Variants in PCNX1 observed in about 807,000 individuals in gnomAD.
PCNX1 encodes the protein pecanex-like protein 1.
PCNX1 carries 78 observed loss-of-function variants against 242.2 expected under a neutral mutation model. That is an observed-to-expected ratio of 0.32 (90% confidence interval 0.27 to 0.39). The LOEUF (loss-of-function observed/expected upper bound fraction) is 0.39. PCNX1 is among the 10% of genes least tolerant of loss of function. The pLI is 1.00. For synonymous variants in PCNX1, 1,024 were observed against 1,032.9 expected (o/e 0.99, Z 0.17); for missense variants, 2,581 against 2,856.5 (o/e 0.90, Z 2.20).
chr14:71,051,850 G>C, intron 23 of PCNX1, 33 bp from the exon 24 acceptor site: 1 of 1,604,504 alleles, frequency 6.2e-7, no homozygotes. Flanking sequence ...GTGCTCAGAT[G>C]AATGTCAGTG....
Position 71,110,048 on chromosome 14 carries a change from C to T in PCNX1, c.*113C>T, listed in dbSNP as rs748379582. ...GTATCACTTTGATCCTATGTGGGAGCGACTGAAAATAGAATGAGCTTGGTT... is the reference window on the plus strand; with the variant it reads ...GTATCACTTTGATCCTATGTGGGAGTGACTGAAAATAGAATGAGCTTGGTT... On this transcript the variant is annotated 3_prime_UTR_variant, in exon 36 of 36. Transcript: ENST00000304743. The T allele has an allele frequency of 1.8e-5, 17 of 961,124 alleles. No homozygotes were observed. The highest frequency in any genetic ancestry group is 7.8e-5 in the South Asian group (6 of 76,648). 59.5% of individuals were successfully genotyped at this position (961,124 alleles called of 1,614,324 possible). A position where few individuals can be genotyped will look rare whatever the true frequency, so the allele number is the denominator to read the frequency against.
intron 8 of PCNX1, among the ~76,000 whole-genome samples, chr14:71,005,521 G>C (rs34548016): frequency 0.07 from 10,604 of 151,788 alleles, 487 homozygotes; most frequent in East Asian, 0.27. Flanking sequence ...AAAAAAAAGG[G>C]GGGGTGGGGA....
chr14:71,064,730 T>C (rs768239862), intron 26 of PCNX1, among the ~76,000 whole-genome samples: 2 of 152,212 alleles, frequency 1.3e-5, no homozygotes, highest in Non-Finnish European at 2.9e-5. Flanking sequence ...TAACTAGTGA[T>C]CTACATTAGG....
intron 8 of PCNX1, 101 bp downstream of exon 8, chr14:70,996,026 T>A: frequency 1.1e-6 from 1 of 876,582 alleles, no homozygotes; most frequent in Non-Finnish European, 1.9e-6. Context: ...ATTTTGGAAC[T>A]ATGCATAGGA....
chr14:70,951,168 A>G (rs1452726732), intron 2 of PCNX1, among the ~76,000 whole-genome samples: 2 of 151,774 alleles, frequency 1.3e-5, no homozygotes, highest in East Asian at 2.0e-4. Context: ...TTTTCCCTGT[A>G]AATTTAGATG....
chr14:71,009,741 A>G lies in PCNX1; in HGVS notation c.2720+17A>G, dbSNP rs368389336. 8.4e-6 allele frequency: 12 copies of G among 1,428,330 alleles called. No homozygotes were observed. The highest frequency in any genetic ancestry group is 4.6e-5 in the East Asian group (2 of 43,674). The allele number at this position is 1,428,330 out of a possible 1,614,324, so 88.5% of individuals were successfully genotyped here. A position where few individuals can be genotyped will look rare whatever the true frequency, so the allele number is the denominator to read the frequency against. ...CAATATCTGGTATGTGTGAAGTCATATTAGGAGTGTGTGTACTTTCATATG... is the reference window on the plus strand; with the variant it reads ...CAATATCTGGTATGTGTGAAGTCATGTTAGGAGTGTGTGTACTTTCATATG... On this transcript the variant is annotated intron_variant, in intron 9 of 35. Transcript: ENST00000304743.
rs756832859 is a variant in PCNX1 at position 71,076,408 on chromosome 14, C to T, written c.5326C>T (p.Arg1776Ter). 2 of 1,583,820 alleles carry T rather than the reference C, an allele frequency of 1.3e-6. No homozygotes were observed. Among genetic ancestry groups the T allele is most frequent in the Non-Finnish European group, 8.7e-7 (1 of 1,152,940 alleles). ...CAACTGGATAGAGTACTGCTCTTCC[C>T]GAAGAGCAAAGGTAGAGTTTATTTC... is the stretch of plus-strand genomic sequence containing the variant. ...YLNWIEYCSSRRAKPVDVDKD... is the reference protein window; with the variant it reads ...YLNWIEYCSS The change falls in exon 28 of 36, where the codon CGA (arginine) becomes TGA (stop). Residue 1776 changes from arginine (R) to a stop codon, truncating the protein, a stop_gained. Coordinates refer to ENST00000304743, the MANE Select transcript of PCNX1 (RefSeq NM_014982.3). LOFTEE classifies it high-confidence loss of function.
chr14:70,932,633 A>G lies in PCNX1; in HGVS notation c.154-14282A>G, dbSNP rs999145821. Among the ~76,000 whole-genome samples the G allele has an allele frequency of 8.8e-4, 133 of 151,292 alleles. 2 individuals are homozygous for G. Among genetic ancestry groups the G allele is most frequent in the African/African-American group, 3.0e-3 (123 of 41,208 alleles). On this transcript the variant is annotated intron_variant, in intron 1 of 35. Coordinates refer to ENST00000304743, the MANE Select transcript of PCNX1 (RefSeq NM_014982.3). The stretch of plus-strand genomic sequence containing the variant: ...TTTATTTTTATTTTTATTTTTTGAG[A>G]TGGAATTTCGCTCTTGTTGCCCAGG...
chr14:70,925,640 A>T (rs1429794409), intron 1 of PCNX1, among the ~76,000 whole-genome samples: 1 of 69,756 alleles, frequency 1.4e-5, no homozygotes, highest in East Asian at 3.7e-4. Context: ...AGGTCTTTTT[A>T]TTTGCTTGTC....
intron 1 of PCNX1, among the ~76,000 whole-genome samples, chr14:70,945,825 G>T (rs572087342): frequency 6.6e-6 from 1 of 152,076 alleles, no homozygotes; most frequent in African/African-American, 2.4e-5. Flanking sequence ...CCACCACTAC[G>T]CCTGGCTAGA....
chr14:70,910,780 G>A (rs951950082), intron 1 of PCNX1, among the ~76,000 whole-genome samples: 9 of 152,164 alleles, frequency 5.9e-5, no homozygotes, highest in Non-Finnish European at 1.2e-4. Flanking sequence ...TGTATTTTTA[G>A]GACCTAGATT....
rs147990731 is a variant in PCNX1 at position 70,968,972 on chromosome 14, A to T, written c.515-49A>T. On this transcript the variant is annotated intron_variant, in intron 4 of 35. Coordinates refer to ENST00000304743, the MANE Select transcript of PCNX1 (RefSeq NM_014982.3). ...ATACTCCTTGGTTATGCCACCCTAC[A>T]GCCTTACTGTTAATATAAGGTCCTC... 1.1e-3 allele frequency: 1,128 copies of T among 1,041,406 alleles called. 1 individual carries two copies. The highest frequency in any genetic ancestry group is 2.2e-3 in the Middle Eastern group (11 of 4,968). The allele number at this position is 1,041,406 out of a possible 1,614,324, so 64.5% of individuals were successfully genotyped here.
intron 1 of PCNX1, among the ~76,000 whole-genome samples, chr14:70,927,596 A>T (rs71425227): frequency 0.064 from 9,574 of 149,968 alleles, 336 homozygotes; most frequent in African/African-American, 0.089. Context: ...TTATTTATTT[A>T]TTTTTTTCTG....
At chr14:71,020,801 A>G (rs998781186) in intron 12 of PCNX1, among the ~76,000 whole-genome samples, 2 of 152,124 alleles carry the variant, frequency 1.3e-5, no homozygotes, top group Non-Finnish European at 2.9e-5. Context: ...TTTTGTTGCC[A>G]TTGCTTTGGT....
chr14:70,975,204 A>G (rs1827215773), intron 5 of PCNX1, among the ~76,000 whole-genome samples: 1 of 152,008 alleles, frequency 6.6e-6, no homozygotes, highest in Non-Finnish European at 1.5e-5. Context: ...ATAATTGCTT[A>G]TTAGAGATAA....
chr14:71,108,935 T>C lies in PCNX1; in HGVS notation c.6633T>C (p.Phe2211=). 6.2e-7 allele frequency: 1 copy of C among 1,614,194 alleles called. No homozygotes were observed. The highest frequency in any genetic ancestry group is 1.1e-5 in the South Asian group (1 of 91,086). The change falls in exon 34 of 36, where the codon TTT becomes TTC. Residue 2211 remains phenylalanine (F), a synonymous_variant. Transcript: ENST00000304743. The stretch of plus-strand genomic sequence containing the variant: ...GCAAACATCACACTCTCGTGGGCTT[T>C]CTTGCGACAGAGGGAGGTCAGAGCA... ...PACKHHTLVG[F]LATEGGQSSA...
At chr14:70,991,390 G>C (rs546183629) in intron 7 of PCNX1, among the ~76,000 whole-genome samples, 1 of 152,158 alleles carries the variant, frequency 6.6e-6, no homozygotes, top group South Asian at 2.1e-4. Flanking sequence ...ATTTTTAGCA[G>C]AGATGGGGTT....
In PCNX1 at chr14:71,023,291, G is replaced by A. The variant is rs2060154092; in HGVS notation, c.3183+59G>A. ...GTCCTTAACATTTATCATAATATTT[G>A]TGGTTTGTTTTTTGTTTTTTTGTTT... is the stretch of plus-strand genomic sequence containing the variant. On this transcript the variant is annotated intron_variant, in intron 13 of 35. Transcript: ENST00000304743. The A allele has an allele frequency of 1.0e-5, 14 of 1,336,680 alleles. No homozygotes were observed. In the South Asian group the frequency reaches 1.6e-4, roughly 15 times the overall value. 82.8% of individuals were successfully genotyped at this position (1,336,680 alleles called of 1,614,324 possible).
chr14:70,965,146 T>C (rs967131953), intron 3 of PCNX1, among the ~76,000 whole-genome samples: 4 of 152,124 alleles, frequency 2.6e-5, no homozygotes, highest in Admixed American at 1.3e-4. Context: ...CACCTCTGCC[T>C]TTCTCCCTTT....
Sources: gnomAD v4.1 joint callset for allele counts (sites outside exome capture counted in the v4.1 genomes callset) on GRCh38, gnomAD v4.1.1 for gene constraint, MANE v1.5 for transcripts, NCBI Gene and HGNC (gene_info 2026-07-23, HGNC 2026-07-21) for gene names.